KPNA5: variants seen among roughly 807,000 people sequenced by gnomAD.
KPNA5 encodes the protein karyopherin subunit alpha 5.
In KPNA5, 46 loss-of-function variants were observed where a neutral mutation model predicts 71.3. The observed-to-expected ratio is 0.65, with a 90% confidence interval of 0.51 to 0.83. The LOEUF (loss-of-function observed/expected upper bound fraction) is 0.83. KPNA5 is among the 40% of genes least tolerant of loss of function. KPNA5 has a pLI of 0.00. For synonymous variants in KPNA5, 207 were observed against 201.4 expected (o/e 1.03, Z -0.24); for missense variants, 547 against 628.3 (o/e 0.87, Z 1.38).
At chr6:116,688,431 G>C (rs1238550378) in intron 1 of KPNA5, among the ~76,000 whole-genome samples, 1 of 152,064 alleles carries the variant, frequency 6.6e-6, no homozygotes, top group Non-Finnish European at 1.5e-5. Flanking sequence ...TTAAACTGAA[G>C]TTGGCACCCT....
intron 5 of KPNA5, among the ~76,000 whole-genome samples, chr6:116,699,145 T>A (rs1433898404): frequency 6.6e-6 from 1 of 152,136 alleles, no homozygotes; most frequent in Non-Finnish European, 1.5e-5. Context: ...GTTCTAACTT[T>A]TACCTTTTAA....
intron 12 of KPNA5, among the ~76,000 whole-genome samples, chr6:116,729,158 CGTGTGTGTGT>C (rs150925835): frequency 1.5e-3 from 163 of 112,160 alleles, no homozygotes; most frequent in East Asian, 2.8e-3. Context: ...ATATGACCTC[CGTGTGTGTGT>C]GTGTGTGTGT....
chr6:116,699,596 T>C lies in KPNA5; in HGVS notation c.435+798T>C, dbSNP rs139272278. The stretch of plus-strand genomic sequence containing the variant: ...CACGTTTTAGGTGTAAGTAAAGGAA[T>C]GTATTGCATGTGTGAATGTGAAAAA... On this transcript the variant is annotated intron_variant, in intron 5 of 13. Transcript: ENST00000368564. Among the ~76,000 whole-genome samples, 38 of 152,312 alleles carry C rather than the reference T, an allele frequency of 2.5e-4. No individual in the cohort carries two copies. The East Asian group carries it at 6.9e-3, about 28-fold the overall frequency.
chr6:116,681,504 T>G (rs1777353477), intron 1 of KPNA5, 166 bp downstream of exon 1: 1 of 1,364,290 alleles, frequency 7.3e-7, no homozygotes, highest in Non-Finnish European at 9.5e-7. Context: ...GCGACAGCGG[T>G]CGCGGGGGCG....
In KPNA5 at chr6:116,732,436, T is replaced by G. The variant is rs1225447496; in HGVS notation, c.*113T>G. The G allele has an allele frequency of 2.0e-6, 1 of 505,178 alleles. No individual in the cohort carries two copies. Among genetic ancestry groups the G allele is most frequent in the Non-Finnish European group, 3.2e-6 (1 of 313,804 alleles). The allele number at this position is 505,178 out of a possible 1,614,324, so 31.3% of individuals were successfully genotyped here. ...ACATAGAACAGTAAAGAGAATTTGA[T>G]GCACTTTTAGAAAGCAAAATGAAAC... On this transcript the variant is annotated 3_prime_UTR_variant, in exon 14 of 14. Coordinates refer to ENST00000368564, the MANE Select transcript of KPNA5 (RefSeq NM_001366306.2).
chr6:116,702,067 C>A lies in KPNA5; in HGVS notation c.484C>A (p.His162Asn). 1 of 1,613,662 alleles carries A rather than the reference C, an allele frequency of 6.2e-7. No homozygotes were observed. The highest frequency in any genetic ancestry group is 8.5e-7 in the Non-Finnish European group (1 of 1,179,754). ...AAATATAGCATCTGGAACTTTTCTG[C>A]ATACCAAGGTAGTGATTGAAACTGG... is the stretch of plus-strand genomic sequence containing the variant. Reference protein sequence around the residue: ...LTNIASGTFLHTKVVIETGAV... With the variant: ...LTNIASGTFLNTKVVIETGAV... The change falls in exon 6 of 14, where the codon CAT (histidine) becomes AAT (asparagine). Residue 162 changes from histidine to asparagine, a missense_variant. Coordinates refer to ENST00000368564, the MANE Select transcript of KPNA5 (RefSeq NM_001366306.2).
Position 116,740,268 on chromosome 6 carries a change from C to G in KPNA5, c.*7945C>G, listed in dbSNP as rs371133096. 8.0e-4 allele frequency: 121 copies of G among 152,174 alleles called. No individual in the cohort carries two copies. Among genetic ancestry groups the G allele is most frequent in the Admixed American group, 1.3e-3 (20 of 15,266 alleles). The allele number at this position is 152,174 out of a possible 1,614,324, so 9.4% of individuals were successfully genotyped here. On this transcript the variant is annotated 3_prime_UTR_variant, in exon 14 of 14. Coordinates refer to ENST00000368564, the MANE Select transcript of KPNA5 (RefSeq NM_001366306.2). Reference sequence around the variant, plus strand: ...ATGCTCACCATCACTGGCCATCAGACAAATGCAAATCAAAACCACAATGAG... The same window carrying G: ...ATGCTCACCATCACTGGCCATCAGAGAAATGCAAATCAAAACCACAATGAG...
Position 116,739,457 on chromosome 6 carries a change from C to T in KPNA5, c.*7134C>T, listed in dbSNP as rs1351335970. ...TTTATAGATTCAATGCCATCCCCATCAAGCTACCAATGCCTTTCTTCACAG... is the reference window on the plus strand; with the variant it reads ...TTTATAGATTCAATGCCATCCCCATTAAGCTACCAATGCCTTTCTTCACAG... On this transcript the variant is annotated 3_prime_UTR_variant, in exon 14 of 14. Coordinates refer to ENST00000368564, the MANE Select transcript of KPNA5 (RefSeq NM_001366306.2). 2 of 152,186 alleles carry T rather than the reference C, an allele frequency of 1.3e-5. No individual in the cohort carries two copies. The highest frequency in any genetic ancestry group is 6.5e-5 in the Admixed American group (1 of 15,270). 9.4% of individuals were successfully genotyped at this position (152,186 alleles called of 1,614,324 possible). A position where few individuals can be genotyped will look rare whatever the true frequency, so the allele number is the denominator to read the frequency against.
chr6:116,722,526 C>A (rs988542592), intron 9 of KPNA5, among the ~76,000 whole-genome samples: 12 of 152,114 alleles, frequency 7.9e-5, no homozygotes, highest in African/African-American at 2.9e-4. Context: ...TTAATGTGAT[C>A]TCTTTATGAA....
At chr6:116,726,278 T>C (rs1779284020) in intron 11 of KPNA5, among the ~76,000 whole-genome samples, 1 of 152,106 alleles carries the variant, frequency 6.6e-6, no homozygotes, top group African/African-American at 2.4e-5. Flanking sequence ...CTCTAAAATT[T>C]ATATTTTGCT....
intron 1 of KPNA5, chr6:116,681,650 TAATGGA>T (rs1204546790): frequency 1.4e-6 from 1 of 732,688 alleles, no homozygotes; most frequent in East Asian, 6.3e-5. Context: ...TCTTTTCAGT[TAATGGA>T]ATTGCCAAAC....
chr6:116,716,304 C>A lies in KPNA5; in HGVS notation c.742C>A (p.Pro248Thr). Residue 248 changes from proline to threonine, a missense_variant, in exon 8 of 14, where the codon CCA (proline) becomes ACA (threonine). Transcript: ENST00000368564. ...SNLCRGKNPP[P>T]NFSKVSPCLN... is the part of the protein sequence containing the mutation. ...TTTATGTAGAGGCAAAAACCCTCCT[C>A]CAAACTTTAGTAAGGTATGAGTAAA... 2 of 1,609,426 alleles carry A rather than the reference C, an allele frequency of 1.2e-6. No homozygotes were observed. Among genetic ancestry groups the A allele is most frequent in the South Asian group, 2.2e-5 (2 of 90,604 alleles).
At position 116,739,431 on chromosome 6, in the gene KPNA5, A is replaced by G. The variant is rs1178577375; in HGVS notation, c.*7108A>G. The G allele has an allele frequency of 6.6e-6, 1 of 152,096 alleles. No homozygotes were observed. Among genetic ancestry groups the G allele is most frequent in the Admixed American group, 6.6e-5 (1 of 15,266 alleles). 9.4% of individuals were successfully genotyped at this position (152,096 alleles called of 1,614,324 possible). A position where few individuals can be genotyped will look rare whatever the true frequency, so the allele number is the denominator to read the frequency against. On this transcript the variant is annotated 3_prime_UTR_variant, in exon 14 of 14. Transcript: ENST00000368564. ...GAAAATGGCCATACTGCCCAAGGTAATTTATAGATTCAATGCCATCCCCAT... is the reference window on the plus strand; with the variant it reads ...GAAAATGGCCATACTGCCCAAGGTAGTTTATAGATTCAATGCCATCCCCAT...
intron 4 of KPNA5, among the ~76,000 whole-genome samples, chr6:116,696,360 A>G (rs1049802427): frequency 3.3e-5 from 5 of 152,184 alleles, no homozygotes; most frequent in African/African-American, 9.7e-5. Flanking sequence ...AAATATGGGA[A>G]AGCAAGCATC....
intron 1 of KPNA5, among the ~76,000 whole-genome samples, chr6:116,683,415 T>A (rs1204339502): frequency 6.6e-6 from 1 of 152,134 alleles, no homozygotes; most frequent in African/African-American, 2.4e-5. Context: ...ATATTTTATA[T>A]ATATTGAGCG....
rs1779841529 is a variant in KPNA5, at chr6:116,740,671, A to G, written c.*8348A>G. The G allele has an allele frequency of 6.6e-6, 1 of 152,204 alleles. No homozygotes were observed. The highest frequency in any genetic ancestry group is 1.5e-5 in the Non-Finnish European group (1 of 68,032). 9.4% of individuals were successfully genotyped at this position (152,204 alleles called of 1,614,324 possible). ...ATGGAATACTATGCAGCCATAAAAA[A>G]TGATGAGTTCATGTCCTTTGTAGGG... On this transcript the variant is annotated 3_prime_UTR_variant, in exon 14 of 14. Coordinates refer to ENST00000368564, the MANE Select transcript of KPNA5 (RefSeq NM_001366306.2).
At chr6:116,694,365 A>C (rs1011339644) in intron 4 of KPNA5, among the ~76,000 whole-genome samples, 1 of 152,212 alleles carries the variant, frequency 6.6e-6, no homozygotes, top group Non-Finnish European at 1.5e-5. Flanking sequence ...CTTCCTACCC[A>C]TAAGCATGGA....
At chr6:116,681,392 T>C in intron 1 of KPNA5, 54 bp downstream of exon 1, 5 of 1,523,052 alleles carry the variant, frequency 3.3e-6, no homozygotes, top group Non-Finnish European at 4.4e-6. Flanking sequence ...TTGGTCCCTT[T>C]GGGAACTACT....
chr6:116,714,431 G>T (rs1778811848), intron 7 of KPNA5, among the ~76,000 whole-genome samples: 1 of 152,222 alleles, frequency 6.6e-6, no homozygotes, highest in Admixed American at 6.5e-5. Flanking sequence ...TCAATTCTTA[G>T]TCAGGCTGAT....
Sources: allele counts gnomAD v4.1 joint callset (sites outside exome capture counted in the v4.1 genomes callset), GRCh38; gene constraint gnomAD v4.1.1; transcripts MANE v1.5; gene names NCBI Gene and HGNC (gene_info 2026-07-23, HGNC 2026-07-21).